The following PDE4B variants were observed in gnomAD, a reference collection of about 807,000 sequenced individuals.
PDE4B encodes phosphodiesterase 4B, also known as 3',5'-cyclic-AMP phosphodiesterase 4B.
In PDE4B, 20 loss-of-function variants were observed where a neutral mutation model predicts 82.2. The observed-to-expected ratio is 0.24, with a 90% CI of 0.17 to 0.35. PDE4B has a LOEUF of 0.35. PDE4B is among the 10% of genes least tolerant of loss of function. The pLI is 1.00. For synonymous variants in PDE4B, 320 were observed against 318.9 expected (o/e 1.00, Z -0.04); for missense variants, 655 against 907.2 (o/e 0.72, Z 3.57).
chr1:66,243,209 G>C (rs1653021255), intron 3 of PDE4B, among the ~76,000 whole-genome samples: 1 of 152,230 alleles, frequency 6.6e-6, no homozygotes, highest in African/African-American at 2.4e-5. Context: ...ACACATCTCT[G>C]TAGATTCATT....
At chr1:66,106,739 G>A (rs1299947339) in intron 3 of PDE4B, among the ~76,000 whole-genome samples, 1 of 151,476 alleles carries the variant, frequency 6.6e-6, no homozygotes, top group Admixed American at 6.6e-5. Context: ...GGTGTTTGTA[G>A]TATTCTCTGA....
At chr1:66,163,277 A>G (rs1424523837) in intron 3 of PDE4B, among the ~76,000 whole-genome samples, 1 of 152,144 alleles carries the variant, frequency 6.6e-6, no homozygotes, top group African/African-American at 2.4e-5. Flanking sequence ...CATCCCATAC[A>G]CTGATGTTTG....
At position 66,290,728 on chromosome 1, in the gene PDE4B, T is replaced by C. The variant is rs192956716; in HGVS notation, c.634+24641T>C. Among the ~76,000 whole-genome samples, 8 of 152,304 alleles carry C rather than the reference T, an allele frequency of 5.3e-5. No homozygotes were observed. The East Asian group carries it at 1.5e-3, about 29-fold the overall frequency. On this transcript the variant is annotated intron_variant, in intron 7 of 16. Coordinates refer to ENST00000341517, the MANE Select transcript of PDE4B (RefSeq NM_002600.4). ...AATAATCAAGTACACTATTATCCCT[T>C]ACTAGTATGCTAGCACTTTATGTAC...
At chr1:65,826,084 C>T (rs1299065241) in intron 1 of PDE4B, among the ~76,000 whole-genome samples, 1 of 152,180 alleles carries the variant, frequency 6.6e-6, no homozygotes, top group Admixed American at 6.5e-5. Flanking sequence ...TTAACAAACT[C>T]TTCACCTACA....
At chr1:65,808,615 G>A (rs1347731311) in intron 1 of PDE4B, among the ~76,000 whole-genome samples, 1 of 152,246 alleles carries the variant, frequency 6.6e-6, no homozygotes, top group East Asian at 1.9e-4. Context: ...GCATATGAAA[G>A]TGAGTTTTAG....
At chr1:65,818,631 A>C (rs936250392) in intron 1 of PDE4B, among the ~76,000 whole-genome samples, 5 of 149,654 alleles carry the variant, frequency 3.3e-5, no homozygotes, top group African/African-American at 1.2e-4. Flanking sequence ...TATACAATGA[A>C]TGTTTAATAC....
intron 3 of PDE4B, among the ~76,000 whole-genome samples, chr1:66,132,083 AATTTGG>A (rs1645962353): frequency 6.6e-6 from 1 of 152,142 alleles, no homozygotes; most frequent in African/African-American, 2.4e-5. Flanking sequence ...TAGGAAAGAG[AATTTGG>A]ATTTTATTCT....
intron 7 of PDE4B, among the ~76,000 whole-genome samples, chr1:66,309,753 C>A (rs1658536990): frequency 6.6e-6 from 1 of 152,106 alleles, no homozygotes; most frequent in Non-Finnish European, 1.5e-5. Flanking sequence ...TTAGACTTAC[C>A]TAGAGGAATA....
chr1:66,285,787 C>T (rs1216060925), intron 7 of PDE4B, among the ~76,000 whole-genome samples: 2 of 152,064 alleles, frequency 1.3e-5, no homozygotes, highest in African/African-American at 2.4e-5. Flanking sequence ...AAGAAAAGAG[C>T]TGTACAATGC....
intron 3 of PDE4B, chr1:66,152,620 T>TATATACACACATATATATTAAATA (rs1557597042): frequency 2.6e-5 from 3 of 113,474 alleles, no homozygotes; most frequent in Non-Finnish European, 5.1e-5. Context: ...ATATATATAT[T>TATATACACACATATATATTAAATA]TATATATGTG....
intron 6 of PDE4B, among the ~76,000 whole-genome samples, chr1:66,262,012 C>A (rs1264300056): frequency 3.9e-5 from 6 of 152,188 alleles, no homozygotes; most frequent in South Asian, 4.1e-4. Flanking sequence ...TCATCAACAT[C>A]ATGAATGTCA....
chr1:66,235,427 T>G (rs1652331776), intron 3 of PDE4B, among the ~76,000 whole-genome samples: 1 of 152,194 alleles, frequency 6.6e-6, no homozygotes, highest in South Asian at 2.1e-4. Context: ...AAGAACTGAC[T>G]CTTTTATCAT....
chr1:66,303,110 TA>T (rs1484275775), intron 7 of PDE4B, among the ~76,000 whole-genome samples: 3 of 152,138 alleles, frequency 2.0e-5, no homozygotes, highest in African/African-American at 7.2e-5. Context: ...CATGAGTGGT[TA>T]TTTTTTCACC....
At chr1:65,854,483 C>G (rs779671262) in intron 1 of PDE4B, among the ~76,000 whole-genome samples, 2 of 150,682 alleles carry the variant, frequency 1.3e-5, no homozygotes, top group Non-Finnish European at 3.0e-5. Flanking sequence ...TTATTTTGCT[C>G]TCATTTAAAA....
At chr1:65,894,919 A>C (rs1420896214) in intron 1 of PDE4B, among the ~76,000 whole-genome samples, 1 of 152,176 alleles carries the variant, frequency 6.6e-6, no homozygotes, top group Non-Finnish European at 1.5e-5. Context: ...TGGAAGTCTC[A>C]TACACTGCTG....
At chr1:66,199,127 G>C (rs1238446377) in intron 3 of PDE4B, among the ~76,000 whole-genome samples, 1 of 151,770 alleles carries the variant, frequency 6.6e-6, no homozygotes, top group Non-Finnish European at 1.5e-5. Flanking sequence ...TATATACCCA[G>C]TAATGGGATG....
chr1:66,246,752 A>G (rs2101673280), intron 3 of PDE4B, among the ~76,000 whole-genome samples: 1 of 152,360 alleles, frequency 6.6e-6, no homozygotes, highest in South Asian at 2.1e-4. Flanking sequence ...GACCGATAGG[A>G]AACCTCATGA....
intron 3 of PDE4B, among the ~76,000 whole-genome samples, chr1:66,145,810 C>CA (rs1646257198): frequency 6.6e-6 from 1 of 152,304 alleles, no homozygotes; most frequent in East Asian, 1.9e-4. Flanking sequence ...TCCCACAGTG[C>CA]ATTGTTGTGC....
At position 66,146,224 on chromosome 1, in the gene PDE4B, C is replaced by G. The variant is rs181347687; in HGVS notation, c.282-101236C>G. Reference sequence around the variant, plus strand: ...TTTGAGACGGAGTCTCACTCTGTCCCCCAAACTGGAGTGCAGTGGCGCAAT... The same window carrying G: ...TTTGAGACGGAGTCTCACTCTGTCCGCCAAACTGGAGTGCAGTGGCGCAAT... On this transcript the variant is annotated intron_variant, in intron 3 of 16. Transcript: ENST00000341517. 1.8e-4 allele frequency among the ~76,000 whole-genome samples: 26 copies of G among 143,966 alleles called. 1 individual carries two copies. The East Asian group carries it at 4.8e-3, about 26-fold the overall frequency. The allele number at this position is 143,966 out of a possible 152,430, so 94.4% of individuals were successfully genotyped here. A position where few individuals can be genotyped will look rare whatever the true frequency, so the allele number is the denominator to read the frequency against.
Sources: allele counts gnomAD v4.1 joint callset (sites outside exome capture counted in the v4.1 genomes callset), GRCh38; gene constraint gnomAD v4.1.1; transcripts MANE v1.5; gene names NCBI Gene and HGNC (gene_info 2026-07-23, HGNC 2026-07-21).